DENND1A: variants seen among roughly 807,000 people sequenced by gnomAD.
DENND1A encodes DENN domain containing 1A.
In DENND1A, 51 loss-of-function variants were observed where a neutral mutation model predicts 113.7. The observed-to-expected ratio is 0.45, with a 90% CI of 0.36 to 0.57. The LOEUF (loss-of-function observed/expected upper bound fraction) is 0.57, where lower values mean the gene tolerates loss of function less well. DENND1A is among the 20% of genes least tolerant of loss of function. The pLI is 0.00. For missense variants in DENND1A, 1,258 were observed against 1,395.9 expected (o/e 0.90, Z 1.57); for synonymous variants, 565 against 570.8 (o/e 0.99, Z 0.14).
chr9:123,748,929 G>T (rs180969482), intron 5 of DENND1A, among the ~76,000 whole-genome samples: 8 of 152,090 alleles, frequency 5.3e-5, no homozygotes, highest in South Asian at 2.1e-4. Context: ...ACCTTGCATC[G>T]GATTTAAACA....
At chr9:123,522,384 C>T (rs147046088) in intron 13 of DENND1A, among the ~76,000 whole-genome samples, 2,037 of 152,244 alleles carry the variant, frequency 0.013, 38 homozygotes, top group African/African-American at 0.046. Flanking sequence ...AGAGAGTGGT[C>T]GTGTGGGCAG....
intron 5 of DENND1A, among the ~76,000 whole-genome samples, chr9:123,748,806 G>A (rs12339991): frequency 0.21 from 31,294 of 152,062 alleles, 3,322 homozygotes; most frequent in African/African-American, 0.23. Flanking sequence ...AAAAAGCACC[G>A]AGGAGCCTCT....
chr9:123,925,122 C>G (rs1278515442), intron 1 of DENND1A, among the ~76,000 whole-genome samples: 1 of 152,190 alleles, frequency 6.6e-6, no homozygotes, highest in East Asian at 1.9e-4. Flanking sequence ...AGACTGTATG[C>G]ACCGTGAGGA....
intron 12 of DENND1A, among the ~76,000 whole-genome samples, chr9:123,571,935 A>G (rs1197715413): frequency 6.6e-6 from 1 of 152,238 alleles, no homozygotes; most frequent in East Asian, 1.9e-4. Context: ...AAAGCTCCAC[A>G]TAAATGCTTC....
intron 18 of DENND1A, among the ~76,000 whole-genome samples, chr9:123,448,168 G>T (rs990165187): frequency 1.3e-5 from 2 of 152,186 alleles, no homozygotes; most frequent in Admixed American, 1.3e-4. Context: ...ACTGGCAGGG[G>T]GAAGGGAAGG....
At chr9:123,711,511 A>G (rs1422154070) in intron 5 of DENND1A, among the ~76,000 whole-genome samples, 1 of 79,038 alleles carries the variant, frequency 1.3e-5, no homozygotes, top group Non-Finnish European at 2.1e-5. Context: ...ATATGTATAT[A>G]TGTATATATA....
intron 13 of DENND1A, among the ~76,000 whole-genome samples, chr9:123,495,902 C>T (rs140920404): frequency 2.7e-4 from 41 of 152,338 alleles, no homozygotes; most frequent in African/African-American, 9.4e-4. Context: ...AGAGAGGACC[C>T]GACAGCAGCT....
At chr9:123,476,948 C>T (rs1395530524) in intron 13 of DENND1A, among the ~76,000 whole-genome samples, 1 of 152,154 alleles carries the variant, frequency 6.6e-6, no homozygotes, top group East Asian at 1.9e-4. Flanking sequence ...CTCATGGCTG[C>T]ATCCCCAATG....
intron 21 of DENND1A, among the ~76,000 whole-genome samples, chr9:123,399,697 C>G (rs2043325964): frequency 6.6e-6 from 1 of 152,226 alleles, no homozygotes; most frequent in African/African-American, 2.4e-5. Flanking sequence ...GAAGGGTGGC[C>G]TGCTGGGCAG....
chr9:123,739,251 G>T (rs2068805440), intron 5 of DENND1A, among the ~76,000 whole-genome samples: 1 of 152,148 alleles, frequency 6.6e-6, no homozygotes, highest in South Asian at 2.1e-4. Context: ...AGCAGGCAGT[G>T]CAGTGAGAGG....
At chr9:123,386,168 A>G (rs1007131386) in intron 22 of DENND1A, among the ~76,000 whole-genome samples, 3 of 152,184 alleles carry the variant, frequency 2.0e-5, no homozygotes, top group Admixed American at 1.3e-4. Context: ...ACATAGATGA[A>G]CATTTCTTAT....
At chr9:123,618,948 C>G (rs565299487) in intron 10 of DENND1A, among the ~76,000 whole-genome samples, 1 of 151,004 alleles carries the variant, frequency 6.6e-6, no homozygotes, top group Non-Finnish European at 1.5e-5. Context: ...TTTTTTATTT[C>G]TTCTTATTAT....
At chr9:123,614,531 C>A (rs1460425441) in intron 10 of DENND1A, among the ~76,000 whole-genome samples, 4 of 152,022 alleles carry the variant, frequency 2.6e-5, no homozygotes, top group African/African-American at 9.7e-5. Context: ...TCATGTTCCC[C>A]TGAGGTGAGC....
intron 13 of DENND1A, among the ~76,000 whole-genome samples, chr9:123,468,113 C>T (rs2049104922): frequency 1.3e-5 from 2 of 152,184 alleles, no homozygotes; most frequent in Non-Finnish European, 2.9e-5. Context: ...TTCATGGTCA[C>T]TCTGAGAAGT....
intron 5 of DENND1A, among the ~76,000 whole-genome samples, chr9:123,752,484 A>G (rs1038071645): frequency 6.6e-6 from 1 of 152,242 alleles, no homozygotes; most frequent in Non-Finnish European, 1.5e-5. Context: ...TAAGATCCCA[A>G]TGGAAGCAGG....
chr9:123,764,836 T>TAAAACC lies in DENND1A; in HGVS notation c.182+4672_182+4677dup, dbSNP rs776278435. Among the ~76,000 whole-genome samples, 1 of 152,170 alleles carries TAAAACC rather than the reference T, an allele frequency of 6.6e-6. No homozygotes were observed. Among genetic ancestry groups the TAAAACC allele is most frequent in the East Asian group, 1.9e-4 (1 of 5,200 alleles). ...CTCACAGCACAGAGCAGGGCAGTGG[T>TAAAACC]AAAACCAAAACCAAAACCCAGATCT... On this transcript the variant is annotated intron_variant, in intron 4 of 23. Transcript: ENST00000394215. This position sits in a 1 kb window ranked among gnomAD's most constrained non-coding sequence, Gnocchi z 4.1.
intron 13 of DENND1A, among the ~76,000 whole-genome samples, chr9:123,520,638 A>G (rs991068135): frequency 2.0e-5 from 3 of 152,236 alleles, no homozygotes; most frequent in African/African-American, 7.2e-5. Flanking sequence ...TTGGATGTGA[A>G]TCCTGGCTCT....
At chr9:123,681,103 G>A (rs1320265233) in intron 5 of DENND1A, among the ~76,000 whole-genome samples, 2 of 152,134 alleles carry the variant, frequency 1.3e-5, no homozygotes, top group African/African-American at 4.8e-5. Flanking sequence ...GTCTGAGCAG[G>A]ATGAGGAGGG....
chr9:123,572,054 C>G (rs1484699055), intron 12 of DENND1A, among the ~76,000 whole-genome samples: 1 of 152,088 alleles, frequency 6.6e-6, no homozygotes, highest in African/African-American at 2.4e-5. Context: ...GTGAATAGTT[C>G]TAAGAATTTT....
Sources: gnomAD v4.1 joint callset for allele counts (sites outside exome capture counted in the v4.1 genomes callset) on GRCh38, gnomAD v4.1.1 for gene constraint, Gnocchi (gnomAD v3.1) non-coding constraint, MANE v1.5 for transcripts, NCBI Gene and HGNC (gene_info 2026-07-23, HGNC 2026-07-21) for gene names.